The following HMOX2 variants were observed in gnomAD, a reference collection of about 807,000 sequenced individuals.
HMOX2 encodes the protein heme oxygenase 2.
HMOX2 carries 30 observed loss-of-function variants against 33.7 expected under a neutral mutation model. That is an observed-to-expected ratio of 0.89 (90% CI 0.67 to 1.21). The LOEUF (loss-of-function observed/expected upper bound fraction) is 1.21. Among genes scored for constraint, HMOX2 ranks in the 50% most tolerant of loss-of-function variants. The pLI is 0.00. For synonymous variants in HMOX2, 155 were observed against 155.0 expected, an observed-to-expected ratio of 1.00 and a Z score of 0.00; for missense variants, 403 against 399.1, an observed-to-expected ratio of 1.01 and a Z score of -0.08.
At chr16:4,475,537 G>T (rs1187229746), upstream of HMOX2, among the ~76,000 whole-genome samples, 3 of 150,912 alleles carry the variant, frequency 2.0e-5, no homozygotes, top group Non-Finnish European at 4.4e-5. Flanking sequence ...GTCTCGAACT[G>T]CTGACCTCAA....
At chr16:4,483,354 C>T in intron 1 of HMOX2, among the ~76,000 whole-genome samples, 1 of 152,028 alleles carries the variant, frequency 6.6e-6, no homozygotes, top group Non-Finnish European at 1.5e-5. Flanking sequence ...CCTCTAATCA[C>T]ATGGTTGGTT....
At position 4,506,905 on chromosome 16, in the gene HMOX2, C is replaced by G. The variant is rs777612788; in HGVS notation, c.97C>G (p.Leu33Val). The G allele has an allele frequency of 1.2e-6, 2 of 1,613,016 alleles. No individual in the cohort carries two copies. Among genetic ancestry groups the G allele is most frequent in the Non-Finnish European group, 1.7e-6 (2 of 1,179,008 alleles). Residue 33 changes from leucine to valine, a missense_variant, in exon 3 of 6, where the codon CTC (leucine) becomes GTC (valine). Coordinates refer to ENST00000570646, the MANE Select transcript of HMOX2 (RefSeq NM_002134.4). ...EKENQMRMADLSELLKEGTKE... is the reference protein window; with the variant it reads ...EKENQMRMADVSELLKEGTKE... ...CCCATCTCTCCACAGAATGGCTGAC[C>G]TCTCGGAGCTCCTGAAGGAAGGGAC... is the stretch of plus-strand genomic sequence containing the variant.
intron 4 of HMOX2, among the ~76,000 whole-genome samples, chr16:4,509,190 C>A (rs2058768720): frequency 1.3e-5 from 2 of 152,092 alleles, no homozygotes; most frequent in South Asian, 4.1e-4. Flanking sequence ...ACCATCTCCC[C>A]ACAAAATTTA....
chr16:4,507,038 A>C (rs1235806520), intron 3 of HMOX2, 26 bp downstream of exon 3: 1 of 1,457,972 alleles, frequency 6.9e-7, no homozygotes, highest in East Asian at 2.3e-5. Flanking sequence ...TGGGTTCCAG[A>C]CTGTCATATG....
chr16:4,507,264 G>T (rs2058717169), intron 3 of HMOX2, among the ~76,000 whole-genome samples: 1 of 152,064 alleles, frequency 6.6e-6, no homozygotes, highest in Non-Finnish European at 1.5e-5. Flanking sequence ...GGCCAACATG[G>T]TGAAACCCTG....
chr16:4,489,753 C>T (rs998766487), intron 1 of HMOX2, among the ~76,000 whole-genome samples: 14 of 152,128 alleles, frequency 9.2e-5, no homozygotes, highest in African/African-American at 2.9e-4. Context: ...GCCATTGCGC[C>T]GAGCCTCATC....
At chr16:4,504,668 A>C (rs1596472992) in intron 1 of HMOX2, among the ~76,000 whole-genome samples, 1 of 105,634 alleles carries the variant, frequency 9.5e-6, no homozygotes, top group Admixed American at 1.0e-4. Flanking sequence ...CCTAACTTTT[A>C]ATTTTGATAC....
At chr16:4,500,062 A>G (rs1357056992) in intron 1 of HMOX2, among the ~76,000 whole-genome samples, 1 of 152,138 alleles carries the variant, frequency 6.6e-6, no homozygotes, top group Non-Finnish European at 1.5e-5. Context: ...CCTATAAGTC[A>G]TATTGGACCC....
At chr16:4,507,661 C>G in intron 3 of HMOX2, 52 bp from the exon 4 acceptor site, 1 of 1,577,572 alleles carries the variant, frequency 6.3e-7, no homozygotes, top group Non-Finnish European at 8.6e-7. Flanking sequence ...CATCCAGCTG[C>G]TCGGATGTGG....
In HMOX2 at chr16:4,509,710, C is replaced by T. The variant is rs1010079482; in HGVS notation, c.905C>T (p.Ala302Val). Residue 302 changes from alanine (A) to valine (V), a missense_variant, in exon 6 of 6, where the codon GCT becomes GTT. By Grantham distance (64) the Ala-to-Val change is moderately conservative (BLOSUM62 0). Transcript: ENST00000570646. ...RKPSLQFILAAGVALAAGLLA... is the reference protein window; with the variant it reads ...RKPSLQFILAVGVALAAGLLA... ...CCCAGCCTCCAGTTCATCCTGGCCG[C>T]TGGTGTGGCCCTAGCTGCTGGACTC... The T allele has an allele frequency of 6.2e-6, 10 of 1,613,874 alleles. No homozygotes were observed. The highest frequency in any genetic ancestry group is 2.7e-5 in the African/African-American group (2 of 74,924).
chr16:4,488,147 A>C (rs1380817684), intron 1 of HMOX2, among the ~76,000 whole-genome samples: 1 of 149,560 alleles, frequency 6.7e-6, no homozygotes, highest in East Asian at 1.9e-4. Flanking sequence ...AAAAAAAAAA[A>C]CAGGCTTGAG....
At chr16:4,504,293 C>T (rs1259113072) in intron 1 of HMOX2, among the ~76,000 whole-genome samples, 1 of 151,232 alleles carries the variant, frequency 6.6e-6, no homozygotes, top group Non-Finnish European at 1.5e-5. Flanking sequence ...CTGTGCGTTG[C>T]TTGCCAAGCT....
chr16:4,500,138 G>A (rs1011669861), intron 1 of HMOX2, among the ~76,000 whole-genome samples: 73 of 152,290 alleles, frequency 4.8e-4, no homozygotes, highest in South Asian at 4.1e-4. Flanking sequence ...GGGAAGACAG[G>A]ATGACAGTCA....
At chr16:4,500,646 A>G (rs2058536485) in intron 1 of HMOX2, among the ~76,000 whole-genome samples, 1 of 152,218 alleles carries the variant, frequency 6.6e-6, no homozygotes, top group South Asian at 2.1e-4. Context: ...CTTAGATTAT[A>G]TTCCCACCTG....
At chr16:4,484,803 C>T (rs1194030639) in intron 1 of HMOX2, among the ~76,000 whole-genome samples, 1 of 152,126 alleles carries the variant, frequency 6.6e-6, no homozygotes. Context: ...TGCATATAAC[C>T]TATGCATATC....
intron 1 of HMOX2, among the ~76,000 whole-genome samples, chr16:4,504,203 G>A (rs1214099347): frequency 6.6e-6 from 1 of 152,142 alleles, no homozygotes; most frequent in Non-Finnish European, 1.5e-5. Context: ...GGTAACTCCT[G>A]TAGGCTGCCT....
intron 1 of HMOX2, among the ~76,000 whole-genome samples, chr16:4,498,061 CTTTTTT>C (rs35332500): frequency 0.012 from 1,228 of 104,380 alleles, 18 homozygotes; most frequent in African/African-American, 0.044. Context: ...GATTCATTGT[CTTTTTT>C]TTTTTTTTTT....
At chr16:4,509,370 G>A in intron 4 of HMOX2, 42 bp from the exon 5 acceptor site, 1 of 1,586,906 alleles carries the variant, frequency 6.3e-7, no homozygotes. Flanking sequence ...AAAAAAGTAT[G>A]GGCAGCCCAA....
intron 1 of HMOX2, among the ~76,000 whole-genome samples, chr16:4,491,796 C>T (rs2058312843): frequency 6.6e-6 from 1 of 151,908 alleles, no homozygotes; most frequent in African/African-American, 2.4e-5. Flanking sequence ...GCAACCTCCA[C>T]CTCCCAGGTT....
Sources: gnomAD v4.1 joint callset for allele counts (sites outside exome capture counted in the v4.1 genomes callset) on GRCh38, gnomAD v4.1.1 for gene constraint, MANE v1.5 for transcripts, NCBI Gene and HGNC (gene_info 2026-07-23, HGNC 2026-07-21) for gene names.